Variants in SSH2 observed in about 807,000 individuals in gnomAD.
The protein encoded by SSH2 is protein phosphatase Slingshot homolog 2.
In SSH2, 37 loss-of-function variants were observed where a neutral mutation model predicts 135.2. The observed-to-expected ratio is 0.27, with a 90% CI of 0.21 to 0.36. SSH2 has a LOEUF of 0.36. SSH2 is among the 10% of genes least tolerant of loss of function. The pLI is 1.00. For missense variants in SSH2, 1,408 were observed against 1,765.3 expected, an observed-to-expected ratio of 0.80 and a Z score of 3.63; for synonymous variants, 628 against 646.2, an observed-to-expected ratio of 0.97 and a Z score of 0.43.
Position 29,716,737 on chromosome 17 carries a change from TTTA to T in SSH2, c.189-13678_189-13676del, listed in dbSNP as rs56845877. 4.4e-3 allele frequency: 2,316 copies of T among 522,698 alleles called. 42 individuals carry two copies. Among genetic ancestry groups the T allele is most frequent in the African/African-American group, 0.039 (2,001 of 51,058 alleles). 32.4% of individuals were successfully genotyped at this position (522,698 alleles called of 1,614,324 possible). On this transcript the variant is annotated intron_variant, in intron 3 of 15. Transcript: ENST00000540801. ...GTTCCGGCTGAAAGTCTAAGTTCTCTTTATTAAGAAGGAAGTCTCTACTTGCTG... is the reference window on the plus strand; with the variant it reads ...GTTCCGGCTGAAAGTCTAAGTTCTCTTTAAGAAGGAAGTCTCTACTTGCTG...
chr17:29,676,628 T>C lies in SSH2; in HGVS notation c.614+192A>G, dbSNP rs1598776131. The C allele has an allele frequency of 1.3e-4, 67 of 502,564 alleles. No homozygotes were observed. The East Asian group carries it at 2.4e-3, about 18-fold the overall frequency. 31.1% of individuals were successfully genotyped at this position (502,564 alleles called of 1,614,324 possible). On this transcript the variant is annotated intron_variant, in intron 8 of 15. Coordinates refer to ENST00000540801, the MANE Select transcript of SSH2 (RefSeq NM_001282129.2). ...CTGAATTCCTCTGAATTTCACTTGT[T>C]CACCAATACTCAAGGCCTTCCAATT... is the stretch of plus-strand genomic sequence containing the variant.
chr17:29,742,496 TTTTTC>T (rs1338027394), intron 3 of SSH2, among the ~76,000 whole-genome samples: 42 of 147,684 alleles, frequency 2.8e-4, no homozygotes, highest in African/African-American at 9.5e-4. Context: ...TTTTTTTTTT[TTTTTC>T]TTTTCAATTT....
intron 1 of SSH2, among the ~76,000 whole-genome samples, chr17:29,851,057 CTT>C (rs765652022): frequency 7.2e-5 from 11 of 152,126 alleles, no homozygotes; most frequent in Non-Finnish European, 1.5e-4. Flanking sequence ...TTCTTGTTCT[CTT>C]ATATTTTGGA....
At chr17:29,665,160 T>G (rs1342516667) in intron 11 of SSH2, among the ~76,000 whole-genome samples, 1 of 152,158 alleles carries the variant, frequency 6.6e-6, no homozygotes, top group South Asian at 2.1e-4. Context: ...TTCTTTCCAA[T>G]AATACAAGAG....
intron 3 of SSH2, among the ~76,000 whole-genome samples, chr17:29,737,706 C>A (rs1398670863): frequency 6.6e-6 from 1 of 152,114 alleles, no homozygotes; most frequent in Non-Finnish European, 1.5e-5. Flanking sequence ...AGGGTTACTG[C>A]AAATAACAGA....
chr17:29,761,130 A>AG, intron 3 of SSH2: 1 of 1,288,224 alleles, frequency 7.8e-7, no homozygotes, highest in African/African-American at 1.5e-5. Context: ...GCGGAGGCGG[A>AG]GGGCGCGCGG....
At chr17:29,822,689 C>T (rs2042674695) in intron 2 of SSH2, among the ~76,000 whole-genome samples, 1 of 152,156 alleles carries the variant, frequency 6.6e-6, no homozygotes, top group African/African-American at 2.4e-5. Context: ...ACTTTCCTTT[C>T]TTCTGGTCCT....
intron 3 of SSH2, chr17:29,716,411 C>G: frequency 1.2e-5 from 7 of 604,536 alleles, no homozygotes; most frequent in South Asian, 9.3e-5. Flanking sequence ...GCTTAATGTG[C>G]TCAATACACA....
At chr17:29,722,145 G>A (rs561113697) in intron 3 of SSH2, among the ~76,000 whole-genome samples, 2 of 151,828 alleles carry the variant, frequency 1.3e-5, no homozygotes, top group Non-Finnish European at 1.5e-5. Context: ...CATGGTGGCC[G>A]GCACCTGTAA....
intron 3 of SSH2, among the ~76,000 whole-genome samples, chr17:29,760,884 C>T (rs1328863746): frequency 6.6e-6 from 1 of 152,164 alleles, no homozygotes; most frequent in Non-Finnish European, 1.5e-5. Flanking sequence ...ACAACCCGCA[C>T]TTTCAAAGTC....
At chr17:29,655,718 A>AG in intron 11 of SSH2, 111 bp from the exon 12 acceptor site, 1 of 920,764 alleles carries the variant, frequency 1.1e-6, no homozygotes, top group South Asian at 1.4e-5. Context: ...AACATCTACC[A>AG]GTGCCCTTTA....
chr17:29,783,605 T>A (rs1490996501), intron 3 of SSH2, among the ~76,000 whole-genome samples: 2 of 152,080 alleles, frequency 1.3e-5, no homozygotes, highest in Non-Finnish European at 2.9e-5. Flanking sequence ...TAACTGTGCA[T>A]CTGCCTTCCC....
chr17:29,709,219 T>C (rs1418103794), intron 3 of SSH2, among the ~76,000 whole-genome samples: 18 of 152,062 alleles, frequency 1.2e-4, no homozygotes, highest in South Asian at 2.1e-4. Flanking sequence ...CTAAAATCTA[T>C]ACAGCTAGTA....
chr17:29,786,134 A>G (rs544438771), intron 3 of SSH2, among the ~76,000 whole-genome samples: 4 of 152,320 alleles, frequency 2.6e-5, no homozygotes, highest in South Asian at 2.1e-4. Flanking sequence ...TTTCCTGGCT[A>G]TTCCCCGGTC....
At chr17:29,698,449 AC>A (rs1279769399) in intron 4 of SSH2, among the ~76,000 whole-genome samples, 1 of 152,210 alleles carries the variant, frequency 6.6e-6, no homozygotes, top group East Asian at 1.9e-4. Flanking sequence ...TACCGGAGTT[AC>A]AAGTTGCAAC....
chr17:29,795,322 TACA>T (rs1446303146), intron 2 of SSH2, among the ~76,000 whole-genome samples: 5 of 152,240 alleles, frequency 3.3e-5, no homozygotes, highest in African/African-American at 1.2e-4. Flanking sequence ...AAAAATATCC[TACA>T]ACATTTCATT....
At chr17:29,680,521 C>T (rs1308905913) in intron 6 of SSH2, among the ~76,000 whole-genome samples, 1 of 118,688 alleles carries the variant, frequency 8.4e-6, no homozygotes, top group African/African-American at 3.2e-5. Flanking sequence ...CATTGCACTC[C>T]AGCCTGGGAG....
chr17:29,925,605 G>C (rs2067049970), intron 1 of SSH2: 2 of 397,232 alleles, frequency 5.0e-6, no homozygotes, highest in Middle Eastern at 6.2e-4. Flanking sequence ...GATACTCAGG[G>C]GGCTGAGGCA....
intron 2 of SSH2, among the ~76,000 whole-genome samples, chr17:29,815,627 A>G (rs1264727850): frequency 6.6e-6 from 1 of 152,198 alleles, no homozygotes; most frequent in Non-Finnish European, 1.5e-5. Context: ...CATCTAACCA[A>G]CGTTTTAAGA....
Sources: allele counts gnomAD v4.1 joint callset (sites outside exome capture counted in the v4.1 genomes callset), GRCh38; gene constraint gnomAD v4.1.1; transcripts MANE v1.5; gene names NCBI Gene and HGNC (gene_info 2026-07-23, HGNC 2026-07-21).